The following GLYR1 variants were observed in gnomAD, a reference collection of about 807,000 sequenced individuals.
GLYR1 encodes glyoxylate reductase 1 homolog, also known as cytokine-like nuclear factor N-PAC.
In GLYR1, 21 loss-of-function variants were observed where a neutral mutation model predicts 72.7. That is an observed-to-expected ratio of 0.29 (90% CI 0.20 to 0.42). GLYR1 has a LOEUF of 0.42. Ranked by LOEUF, GLYR1 falls within the 10% of genes least tolerant of loss-of-function variation. The probability of loss-of-function intolerance (pLI) is 1.00; values close to 1 mark genes in which losing one functional copy is unlikely to be tolerated. For synonymous variants in GLYR1, 392 were observed against 270.2 expected (o/e 1.45, Z -4.42); for missense variants, 594 against 712.1 (o/e 0.83, Z 1.89).
rs187594583 is a variant in GLYR1 at position 4,828,312 on chromosome 16, G to A, written c.537+3667C>T. On this transcript the variant is annotated intron_variant, in intron 5 of 15. Coordinates refer to ENST00000321919, the MANE Select transcript of GLYR1 (RefSeq NM_032569.4). ...TCTCCATCTCCTGACCTCATGATCCGCCCGCCTCGGCCTCCCAAAGCGCTG... is the reference window on the plus strand; with the variant it reads ...TCTCCATCTCCTGACCTCATGATCCACCCGCCTCGGCCTCCCAAAGCGCTG... Among the ~76,000 whole-genome samples the A allele has an allele frequency of 2.5e-4, 38 of 151,890 alleles. No homozygotes were observed. In the East Asian group the frequency reaches 5.8e-3, roughly 23 times the overall value.
chr16:4,844,374 G>T (rs1349276142), intron 3 of GLYR1, among the ~76,000 whole-genome samples: 10 of 152,292 alleles, frequency 6.6e-5, no homozygotes, highest in South Asian at 4.1e-4. Flanking sequence ...GAACATGATT[G>T]AACAATTACT....
rs772225425 is a variant in GLYR1 at position 4,813,799 on chromosome 16, G to T, written c.1057C>A (p.Pro353Thr). The T allele has an allele frequency of 1.2e-6, 2 of 1,613,168 alleles. No individual in the cohort carries two copies. Among genetic ancestry groups the T allele is most frequent in the East Asian group, 4.5e-5 (2 of 44,852 alleles). The change falls in exon 12 of 16, where the codon CCT becomes ACT. Residue 353 changes from proline (P) to threonine (T), a missense_variant. Physicochemically the swap from Pro to Thr is conservative, Grantham distance 38. Coordinates refer to ENST00000321919, the MANE Select transcript of GLYR1 (RefSeq NM_032569.4). ...GACATGTCCACGTAGCACTTCCCAG[G>T]GCGGATCCCTTGCAGCACACCACTG... Reference protein sequence around the residue: ...GPSGVLQGIRPGKCYVDMSTV... With the variant: ...GPSGVLQGIRTGKCYVDMSTV...
intron 3 of GLYR1, among the ~76,000 whole-genome samples, chr16:4,841,681 A>C (rs921232471): frequency 8.6e-5 from 13 of 151,642 alleles, no homozygotes; most frequent in Admixed American, 8.6e-4. Flanking sequence ...ACAACAAAAA[A>C]CATAAGGAAA....
chr16:4,829,510 A>T (rs1421459314), intron 5 of GLYR1, among the ~76,000 whole-genome samples: 1 of 151,708 alleles, frequency 6.6e-6, no homozygotes, highest in Non-Finnish European at 1.5e-5. Flanking sequence ...TTTTTGAGAC[A>T]GGGTCTCGCT....
intron 13 of GLYR1, 84 bp downstream of exon 13, chr16:4,812,002 C>G (rs1231439932): frequency 3.3e-6 from 5 of 1,515,760 alleles, no homozygotes; most frequent in African/African-American, 1.4e-5. Flanking sequence ...GGCAGAAAGG[C>G]CGTGTGGGAC....
intron 5 of GLYR1, among the ~76,000 whole-genome samples, chr16:4,826,687 TA>T (rs1445385314): frequency 6.6e-6 from 1 of 152,238 alleles, no homozygotes; most frequent in Non-Finnish European, 1.5e-5. Context: ...GATGGGCGTG[TA>T]CTCCATCTGC....
chr16:4,805,149 C>G lies in GLYR1; in HGVS notation c.*87G>C, dbSNP rs1434177711. The G allele has an allele frequency of 9.1e-7, 1 of 1,092,972 alleles. No homozygotes were observed. 67.7% of individuals were successfully genotyped at this position (1,092,972 alleles called of 1,614,324 possible). ...GGAAATGGAGATAGGTGGGCTGGTC[C>G]AGAATGAACTCCCAGGCCCCCGACC... On this transcript the variant is annotated 3_prime_UTR_variant, in exon 16 of 16. Transcript: ENST00000321919.
rs1158485923 is a variant in GLYR1 at position 4,817,672 on chromosome 16, T to G, written c.832A>C (p.Met278Leu). Reference sequence around the variant, plus strand: ...AAGTTGGAGACGATTCCACTTCCCATGAGACCAAGGCCCAAAAATCCTATC... The same window carrying G: ...AAGTTGGAGACGATTCCACTTCCCAGGAGACCAAGGCCCAAAAATCCTATC... Reference protein sequence around the residue: ...KKIGFLGLGLMGSGIVSNLLK... With the variant: ...KKIGFLGLGLLGSGIVSNLLK... Residue 278 changes from methionine to leucine, a missense_variant, in exon 10 of 16, where the codon ATG becomes CTG. This residue lies in a region of GLYR1 where 266 missense variants were observed against 358.4 expected (regional missense o/e 0.74). Transcript: ENST00000321919. The G allele has an allele frequency of 2.5e-6, 4 of 1,612,944 alleles. No homozygotes were observed. Among genetic ancestry groups the G allele is most frequent in the Admixed American group, 1.7e-5 (1 of 59,994 alleles).
Position 4,836,579 on chromosome 16 carries a change from C to T in GLYR1, c.156-3667G>A, listed in dbSNP as rs117146886. Among the ~76,000 whole-genome samples the T allele has an allele frequency of 2.3e-4, 35 of 152,212 alleles. No homozygotes were observed. In the East Asian group the frequency reaches 6.6e-3, roughly 29 times the overall value. On this transcript the variant is annotated intron_variant, in intron 3 of 15. Coordinates refer to ENST00000321919, the MANE Select transcript of GLYR1 (RefSeq NM_032569.4). ...GCAAGGTCATTACAGAGAAGGAAAG[C>T]GGATGTCTCGTAAGATATCTGGCTA...
chr16:4,843,580 T>G (rs1472657161), intron 3 of GLYR1: 2 of 1,289,100 alleles, frequency 1.6e-6, no homozygotes, highest in South Asian at 1.2e-5. Flanking sequence ...TGGCTTGTGA[T>G]AGAGAAATGG....
At position 4,831,982 on chromosome 16, in the gene GLYR1, C is replaced by T; in HGVS notation, c.534G>A (p.Glu178=). Residue 178 remains glutamate (E), a synonymous_variant, in exon 5 of 16, where the codon GAG becomes GAA. Coordinates refer to ENST00000321919, the MANE Select transcript of GLYR1 (RefSeq NM_032569.4). The stretch of plus-strand genomic sequence containing the variant: ...AAGCTGCAGAGAGAAAACAAACCTT[C>T]TCATCCTTTGGGGGCCGACCCCGCT... ...PRKRGRPPKD[E]KDLTIPESST... The T allele has an allele frequency of 6.2e-7, 1 of 1,612,978 alleles. No individual in the cohort carries two copies. The highest frequency in any genetic ancestry group is 8.5e-7 in the Non-Finnish European group (1 of 1,179,576).
In GLYR1 at chr16:4,812,089, GGAA is replaced by G; in HGVS notation, c.1276_1278del (p.Phe426del). On this transcript the variant is annotated inframe_deletion, in exon 13 of 16. Coordinates refer to ENST00000321919, the MANE Select transcript of GLYR1 (RefSeq NM_032569.4). ...CTGACAGGTGCAGGCGTGTTACCTAGGAAGAAGGAGGTCTTCCCCATCGCCTGG... is the reference window on the plus strand; with the variant it reads ...CTGACAGGTGCAGGCGTGTTACCTAGGAAGGAGGTCTTCCCCATCGCCTGG... 2 of 1,613,320 alleles carry G rather than the reference GGAA, an allele frequency of 1.2e-6. No individual in the cohort carries two copies. The highest frequency in any genetic ancestry group is 1.7e-6 in the Non-Finnish European group (2 of 1,179,618).
intron 3 of GLYR1, among the ~76,000 whole-genome samples, chr16:4,838,130 C>T (rs1386196637): frequency 6.6e-6 from 1 of 152,030 alleles, no homozygotes; most frequent in Non-Finnish European, 1.5e-5. Flanking sequence ...TGAGGTGTTA[C>T]AGGCCAAGTT....
chr16:4,826,046 A>G (rs1446300461), intron 5 of GLYR1, among the ~76,000 whole-genome samples: 1 of 151,834 alleles, frequency 6.6e-6, no homozygotes, highest in East Asian at 1.9e-4. Context: ...GGTGTGGTAG[A>G]CACAACTTAT....
chr16:4,814,526 G>A lies in GLYR1; in HGVS notation c.1017+11C>T. 3.7e-6 allele frequency: 6 copies of A among 1,607,960 alleles called. No individual in the cohort carries two copies. The highest frequency in any genetic ancestry group is 5.1e-6 in the Non-Finnish European group (6 of 1,175,460). The stretch of plus-strand genomic sequence containing the variant: ...ACCCGGAGTTGCTGAGGGGAGGGAG[G>A]GGGTCCTTACGTCCTTGGCCGCCTT... On this transcript the variant is annotated intron_variant, in intron 11 of 15. Coordinates refer to ENST00000321919, the MANE Select transcript of GLYR1 (RefSeq NM_032569.4).
In GLYR1 at chr16:4,847,042, G is replaced by A. The variant is rs570576518; in HGVS notation, c.38+186C>T. 1.0e-4 allele frequency: 61 copies of A among 586,924 alleles called. No individual in the cohort carries two copies. The East Asian group carries it at 1.5e-3, about 15-fold the overall frequency. 36.4% of individuals were successfully genotyped at this position (586,924 alleles called of 1,614,324 possible). On this transcript the variant is annotated intron_variant, in intron 1 of 15. Coordinates refer to ENST00000321919, the MANE Select transcript of GLYR1 (RefSeq NM_032569.4). Reference sequence around the variant, plus strand: ...CCGGTGCCCGACGTGGCCACCCTCGGCCTCGGTCCCCCGGGACTGGACTGC... The same window carrying A: ...CCGGTGCCCGACGTGGCCACCCTCGACCTCGGTCCCCCGGGACTGGACTGC...
Position 4,811,152 on chromosome 16 carries a change from G to C in GLYR1, c.1587+18C>G, listed in dbSNP as rs1275102877. 6.2e-7 allele frequency: 1 copy of C among 1,608,048 alleles called. No individual in the cohort carries two copies. The highest frequency in any genetic ancestry group is 2.2e-5 in the East Asian group (1 of 44,840). ...AAGAAACTGAAGGGCCTTGGGGCTTGGGCCACATCTACCCTACCTCATTTG... is the reference window on the plus strand; with the variant it reads ...AAGAAACTGAAGGGCCTTGGGGCTTCGGCCACATCTACCCTACCTCATTTG... On this transcript the variant is annotated intron_variant, in intron 15 of 15. Transcript: ENST00000321919.
chr16:4,842,829 A>C (rs2085664321), intron 3 of GLYR1, among the ~76,000 whole-genome samples: 1 of 152,154 alleles, frequency 6.6e-6, no homozygotes, highest in Non-Finnish European at 1.5e-5. Flanking sequence ...CTTCCTGAGT[A>C]GCTGGGATTA....
chr16:4,830,127 A>G (rs2084696612), intron 5 of GLYR1, among the ~76,000 whole-genome samples: 1 of 150,866 alleles, frequency 6.6e-6, no homozygotes, highest in African/African-American at 2.4e-5. Flanking sequence ...TTGTAGAGCT[A>G]GTCTTCAACT....
Sources: gnomAD v4.1 joint callset for allele counts (sites outside exome capture counted in the v4.1 genomes callset) on GRCh38, gnomAD v4.1.1 for gene constraint, gnomAD v4.1.1 regional missense constraint, MANE v1.5 for transcripts, NCBI Gene and HGNC (gene_info 2026-07-23, HGNC 2026-07-21) for gene names.